The following PAX3 variants were observed in gnomAD, a reference collection of about 807,000 sequenced individuals.
PAX3 encodes paired box protein Pax-3.
A neutral mutation model predicts 51.6 loss-of-function variants in PAX3; 14 were observed. The ratio of observed to expected loss-of-function variants is 0.27; its 90% CI spans 0.18 to 0.42. PAX3 has a LOEUF of 0.42. Ranked by LOEUF, PAX3 falls within the 10% of genes least tolerant of loss-of-function variation. The pLI is 1.00. For missense variants in PAX3, 540 were observed against 642.8 expected (o/e 0.84, Z 1.73); for synonymous variants, 280 against 253.4 (o/e 1.11, Z -1.00).
chr2:222,259,660 T>C (rs559716236), intron 4 of PAX3, among the ~76,000 whole-genome samples: 1 of 152,238 alleles, frequency 6.6e-6, no homozygotes, highest in South Asian at 2.1e-4. Context: ...CATCTTGTCA[T>C]AAAGGAAAAA....
chr2:222,240,092 C>A (rs1312200723), intron 4 of PAX3, among the ~76,000 whole-genome samples: 1 of 152,070 alleles, frequency 6.6e-6, no homozygotes, highest in Non-Finnish European at 1.5e-5. Flanking sequence ...CAAAATAGCA[C>A]AAATAAACCC....
At chr2:222,220,103 A>G (rs1692127352) in intron 7 of PAX3, 37 bp downstream of exon 7, 1 of 1,558,992 alleles carries the variant, frequency 6.4e-7, no homozygotes, top group South Asian at 1.1e-5. Context: ...TGGTTCTGGT[A>G]TACAGCAAAT....
chr2:222,287,975 A>G (rs1297825946), intron 4 of PAX3, among the ~76,000 whole-genome samples: 1 of 152,242 alleles, frequency 6.6e-6, no homozygotes, highest in Non-Finnish European at 1.5e-5. Flanking sequence ...TACATATCCA[A>G]AGCCTAAATC....
In PAX3 at chr2:222,220,369, A is replaced by G; in HGVS notation, c.959-15T>C. The G allele has an allele frequency of 6.2e-7, 1 of 1,612,474 alleles. No homozygotes were observed. Among genetic ancestry groups the G allele is most frequent in the Non-Finnish European group, 8.5e-7 (1 of 1,178,614 alleles). On this transcript the variant is annotated splice_polypyrimidine_tract_variant and intron_variant, in intron 6 of 8. Transcript: ENST00000392070. Reference sequence around the variant, plus strand: ...ATCTGACACAGCTGAAATGAAAAAGATTGTCAACCATCATGTTTTCTTTTA... The same window carrying G: ...ATCTGACACAGCTGAAATGAAAAAGGTTGTCAACCATCATGTTTTCTTTTA...
chr2:222,206,094 C>T (rs7602893), intron 7 of PAX3, among the ~76,000 whole-genome samples: 10,739 of 151,956 alleles, frequency 0.071, 620 homozygotes, highest in Admixed American at 0.18. Context: ...TCCCCTTACA[C>T]CATTAGTAAG....
At chr2:222,215,993 C>T (rs1036741207) in intron 7 of PAX3, among the ~76,000 whole-genome samples, 4 of 152,164 alleles carry the variant, frequency 2.6e-5, no homozygotes, top group African/African-American at 9.7e-5. Flanking sequence ...AGCCTGTCTC[C>T]ACCCTCTCAC....
chr2:222,245,815 C>CAAAA lies in PAX3; in HGVS notation c.587-13536_587-13533dup, dbSNP rs10628623. On this transcript the variant is annotated intron_variant, in intron 4 of 8. Coordinates refer to ENST00000392070, the MANE Select transcript of PAX3 (RefSeq NM_181458.4). ...TGAAACCCCATCTCTACTAAAAATA[C>CAAAA]AAAAAAAAAAAAAAAATTAGCCGGG... is the stretch of plus-strand genomic sequence containing the variant. 7.8e-4 allele frequency among the ~76,000 whole-genome samples: 106 copies of CAAAA among 135,498 alleles called. 1 individual carries two copies. The highest frequency in any genetic ancestry group is 2.4e-3 in the African/African-American group (85 of 35,810). The allele number at this position is 135,498 out of a possible 152,430, so 88.9% of individuals were successfully genotyped here.
At chr2:222,229,513 T>A (rs1336027801) in intron 5 of PAX3, among the ~76,000 whole-genome samples, 1 of 152,062 alleles carries the variant, frequency 6.6e-6, no homozygotes, top group Non-Finnish European at 1.5e-5. Context: ...ACACAATCGG[T>A]TGTCCATTCT....
At chr2:222,210,131 C>T (rs1302061061) in intron 7 of PAX3, among the ~76,000 whole-genome samples, 3 of 152,176 alleles carry the variant, frequency 2.0e-5, no homozygotes, top group Non-Finnish European at 4.4e-5. Context: ...GGTTATGTCT[C>T]CTACTGCACA....
intron 5 of PAX3, among the ~76,000 whole-genome samples, chr2:222,226,199 T>C (rs976258800): frequency 1.3e-5 from 2 of 152,246 alleles, no homozygotes; most frequent in South Asian, 4.1e-4. Flanking sequence ...AAACGTTTGG[T>C]TAAATACTAG....
At position 222,200,745 on chromosome 2, in the gene PAX3, C is replaced by T; in HGVS notation, c.*663G>A. On this transcript the variant is annotated 3_prime_UTR_variant, in exon 9 of 9. Transcript: ENST00000392070. Reference sequence around the variant, plus strand: ...GGTAGCCCATATCCTGTTAGCAAGACATGTCCGGGCCATTTATTGACAACT... The same window carrying T: ...GGTAGCCCATATCCTGTTAGCAAGATATGTCCGGGCCATTTATTGACAACT... 7.5e-6 allele frequency: 2 copies of T among 267,878 alleles called. No homozygotes were observed. Among genetic ancestry groups the T allele is most frequent in the East Asian group, 1.1e-4 (2 of 18,246 alleles). 16.6% of individuals were successfully genotyped at this position (267,878 alleles called of 1,614,324 possible). A position where few individuals can be genotyped will look rare whatever the true frequency, so the allele number is the denominator to read the frequency against.
intron 3 of PAX3, among the ~76,000 whole-genome samples, chr2:222,295,205 C>T (rs1695231131): frequency 6.6e-6 from 1 of 152,172 alleles, no homozygotes; most frequent in African/African-American, 2.4e-5. Context: ...GTTACCAAAA[C>T]ATTTGTTTCT....
At chr2:222,260,588 T>G (rs1574708457) in intron 4 of PAX3, among the ~76,000 whole-genome samples, 3 of 54,198 alleles carry the variant, frequency 5.5e-5, no homozygotes, top group Non-Finnish European at 8.0e-5. Flanking sequence ...GTTTTTTTTT[T>G]TTGTTTTTTT....
chr2:222,200,331 C>T lies in PAX3; in HGVS notation c.*1077G>A, dbSNP rs534730796. 2 of 221,212 alleles carry T rather than the reference C, an allele frequency of 9.0e-6. No individual in the cohort carries two copies. The highest frequency in any genetic ancestry group is 3.7e-4 in the South Asian group (2 of 5,396). The allele number at this position is 221,212 out of a possible 1,614,324, so 13.7% of individuals were successfully genotyped here. On this transcript the variant is annotated 3_prime_UTR_variant, in exon 9 of 9. Transcript: ENST00000392070. ...GCCATGTGAACACTTCTGTTCTTGC[C>T]CTGCCTTTCATAGAAAAGAGAAGAA...
At chr2:222,293,288 C>G (rs561553064) in intron 4 of PAX3, among the ~76,000 whole-genome samples, 5 of 152,310 alleles carry the variant, frequency 3.3e-5, no homozygotes, top group South Asian at 4.2e-4. Flanking sequence ...TCCCCTCCCC[C>G]CTGCCGTCTC....
Position 222,245,656 on chromosome 2 carries a change from A to T in PAX3, c.587-13373T>A, listed in dbSNP as rs192570386. Among the ~76,000 whole-genome samples, 380 of 148,230 alleles carry T rather than the reference A, an allele frequency of 2.6e-3. 3 individuals carry two copies. Among genetic ancestry groups the T allele is most frequent in the African/African-American group, 8.5e-3 (352 of 41,300 alleles). On this transcript the variant is annotated intron_variant, in intron 4 of 8. Coordinates refer to ENST00000392070, the MANE Select transcript of PAX3 (RefSeq NM_181458.4). ...AGGAGAGAAGAGAAAATAACTGAAG[A>T]GAATAAAAGAGGGGAGAAAGAAGAG...
chr2:222,226,121 G>A (rs549219821), intron 5 of PAX3, among the ~76,000 whole-genome samples: 1 of 152,278 alleles, frequency 6.6e-6, no homozygotes, highest in Non-Finnish European at 1.5e-5. Context: ...TACTTCAAAT[G>A]CAATTTGAAA....
Position 222,298,575 on chromosome 2 carries a change from G to A in PAX3, c.41C>T (p.Pro14Leu). 1.2e-6 allele frequency: 2 copies of A among 1,608,670 alleles called. No homozygotes were observed. The highest frequency in any genetic ancestry group is 1.7e-6 in the Non-Finnish European group (2 of 1,177,982). ...ACGCGGGTAGTTCTGCCCCGGGCCC[G>A]GCCGCATCATCCTGGGCACAGCGCC... ...LAGAVPRMMR[P>L]GPGQNYPRSG... The change falls in exon 1 of 9, where the codon CCG (proline) becomes CTG (leucine). Residue 14 changes from proline (P) to leucine (L), a missense_variant. Around this residue, in one of 3 missense-constraint regions of PAX3, gnomAD observed 63 missense variants for 49.9 expected, o/e 1.26. Transcript: ENST00000392070.
intron 7 of PAX3, among the ~76,000 whole-genome samples, chr2:222,215,899 T>C (rs1379209109): frequency 6.6e-6 from 1 of 152,204 alleles, no homozygotes; most frequent in African/African-American, 2.4e-5. Context: ...GAGCGTATTT[T>C]GTCATTCATT....
Sources: allele counts gnomAD v4.1 joint callset (sites outside exome capture counted in the v4.1 genomes callset), GRCh38; gene constraint gnomAD v4.1.1; regional missense constraint gnomAD v4.1.1; transcripts MANE v1.5; gene names NCBI Gene and HGNC (gene_info 2026-07-23, HGNC 2026-07-21).